ASB4: variants seen among roughly 807,000 people sequenced by gnomAD.
ASB4 encodes the protein ankyrin repeat and SOCS box protein 4.
In ASB4, 35 loss-of-function variants were observed where a neutral mutation model predicts 38.6. The ratio of observed to expected loss-of-function variants is 0.91; its 90% CI spans 0.69 to 1.20. The LOEUF is 1.20. Ranked by LOEUF, ASB4 falls within the 50% of genes most tolerant of loss-of-function variation. ASB4 has a pLI of 0.00. For synonymous variants in ASB4, 195 were observed against 201.3 expected, an observed-to-expected ratio of 0.97 and a Z score of 0.26; for missense variants, 557 against 527.2, an observed-to-expected ratio of 1.06 and a Z score of -0.55.
the ASB4 span, among the ~76,000 whole-genome samples, chr7:95,472,227 C>G: frequency 1.2e-4 from 15 of 129,880 alleles, no homozygotes; most frequent in Admixed American, 1.2e-3. Flanking sequence ...CATTCTTTCC[C>G]CAAAAATGTG....
At chr7:95,524,465 G>T (rs1183041489) in intron 2 of ASB4, among the ~76,000 whole-genome samples, 2 of 150,542 alleles carry the variant, frequency 1.3e-5, no homozygotes, top group African/African-American at 4.9e-5. Flanking sequence ...CTTGACCAAG[G>T]ATGTGATTAG....
At chr7:95,478,666 G>C (rs1165496736) in intron 1 of ASB4, 1 of 152,158 alleles carries the variant, frequency 6.6e-6, no homozygotes. Context: ...GCTGATATGG[G>C]ATCCAAGAAG....
chr7:95,512,118 T>G (rs1223913134), intron 2 of ASB4, among the ~76,000 whole-genome samples: 2 of 152,162 alleles, frequency 1.3e-5, no homozygotes, highest in Non-Finnish European at 2.9e-5. Context: ...GATCCTCCCA[T>G]GCTGTAGCCT....
intron 4 of ASB4, 121 bp from the exon 5 acceptor site, chr7:95,537,450 C>A: frequency 2.5e-6 from 2 of 786,822 alleles, no homozygotes; most frequent in Non-Finnish European, 3.9e-6. Context: ...ATTTTTGCCT[C>A]ACCAATAGAG....
At chr7:95,517,327 C>T (rs1181300846) in intron 2 of ASB4, among the ~76,000 whole-genome samples, 2 of 152,086 alleles carry the variant, frequency 1.3e-5, no homozygotes, top group South Asian at 2.1e-4. Context: ...AGCCACCATG[C>T]CAGGTCTAGT....
rs1790928834 is a variant in ASB4, at chr7:95,538,640, C to G, written c.*881C>G. 6.6e-6 allele frequency: 1 copy of G among 152,118 alleles called. No homozygotes were observed. Among genetic ancestry groups the G allele is most frequent in the African/African-American group, 2.4e-5 (1 of 41,418 alleles). The allele number at this position is 152,118 out of a possible 1,614,324, so 9.4% of individuals were successfully genotyped here. On this transcript the variant is annotated 3_prime_UTR_variant, in exon 5 of 5. Coordinates refer to ENST00000325885, the MANE Select transcript of ASB4 (RefSeq NM_016116.3). ...ATGTAAAGTAGAGGGATCTCCTGCT[C>G]TTGTTAGGGTATTTTTAAGGTTTTT...
chr7:95,547,251 T>A, the ASB4 span, among the ~76,000 whole-genome samples: 21 of 152,284 alleles, frequency 1.4e-4, no homozygotes, highest in Admixed American at 5.2e-4. Context: ...AAACAATACA[T>A]TTATTACCCC....
At chr7:95,501,931 C>T (rs1349046711) in intron 2 of ASB4, among the ~76,000 whole-genome samples, 4 of 151,888 alleles carry the variant, frequency 2.6e-5, no homozygotes, top group Non-Finnish European at 5.9e-5. Flanking sequence ...CATCAAAGGC[C>T]GAATTCACAA....
chr7:95,497,412 T>C (rs1441824676), intron 2 of ASB4, among the ~76,000 whole-genome samples: 1 of 151,938 alleles, frequency 6.6e-6, no homozygotes, highest in Non-Finnish European at 1.5e-5. Context: ...GTGGGTGGGG[T>C]GTGAAGGAAA....
intron 2 of ASB4, among the ~76,000 whole-genome samples, chr7:95,503,956 G>A (rs944124149): frequency 2.6e-5 from 4 of 151,988 alleles, no homozygotes; most frequent in African/African-American, 9.7e-5. Context: ...TTTTCTGTTT[G>A]CCTTTCTACT....
At chr7:95,533,220 G>A (rs1472761132) in intron 3 of ASB4, among the ~76,000 whole-genome samples, 1 of 152,178 alleles carries the variant, frequency 6.6e-6, no homozygotes, top group African/African-American at 2.4e-5. Context: ...TTTGGGGGTA[G>A]AATGTTAGAA....
At chr7:95,493,123 A>T (rs1477278615) in intron 1 of ASB4, among the ~76,000 whole-genome samples, 1 of 152,172 alleles carries the variant, frequency 6.6e-6, no homozygotes, top group Non-Finnish European at 1.5e-5. Flanking sequence ...ATCTCTTCCC[A>T]GTGTCTGGAA....
downstream of ASB4, among the ~76,000 whole-genome samples, chr7:95,541,056 T>C (rs1790963712): frequency 6.6e-6 from 1 of 152,226 alleles, no homozygotes; most frequent in Admixed American, 6.5e-5. Context: ...ACACCACAGC[T>C]AGTATCTGGA....
the ASB4 span, among the ~76,000 whole-genome samples, chr7:95,547,780 A>G: frequency 6.6e-6 from 1 of 152,202 alleles, no homozygotes; most frequent in African/African-American, 2.4e-5. Flanking sequence ...AATGCCTTAC[A>G]AGAAAAAGAC....
At position 95,536,526 on chromosome 7, in the gene ASB4, A is replaced by AT. The variant is rs761020955; in HGVS notation, c.1068_1069insT (p.Ala357CysfsTer5). On this transcript the variant is annotated frameshift_variant, in exon 4 of 5. Coordinates refer to ENST00000325885, the MANE Select transcript of ASB4 (RefSeq NM_016116.3). ...TCAGATGGAACACAAAGTGGAGAAG[A>AT]GCTATCCCCGATGATGACTTGGAGG... 5.5e-5 allele frequency: 89 copies of AT among 1,611,476 alleles called. No individual in the cohort carries two copies. The highest frequency in any genetic ancestry group is 7.2e-5 in the Non-Finnish European group (85 of 1,177,884).
In ASB4 at chr7:95,527,944, C is replaced by T; in HGVS notation, c.619C>T (p.His207Tyr). Residue 207 changes from histidine (H) to tyrosine (Y), a missense_variant, in exon 3 of 5, where the codon CAC (histidine) becomes TAC (tyrosine). By Grantham distance (83) the His-to-Tyr change is moderately conservative. Coordinates refer to ENST00000325885, the MANE Select transcript of ASB4 (RefSeq NM_016116.3). ...HGAIVDSVNA[H>Y]METPLAIAAY... ...GGCCATAGTGGACAGCGTGAATGCC[C>T]ACATGGAGACCCCCCTGGCCATCGC... 1.2e-6 allele frequency: 2 copies of T among 1,614,164 alleles called. No homozygotes were observed. The highest frequency in any genetic ancestry group is 1.3e-5 in the African/African-American group (1 of 75,042).
At position 95,527,975 on chromosome 7, in the gene ASB4, A is replaced by G; in HGVS notation, c.650A>G (p.Tyr217Cys). 6.2e-7 allele frequency: 1 copy of G among 1,614,090 alleles called. No individual in the cohort carries two copies. Among genetic ancestry groups the G allele is most frequent in the Non-Finnish European group, 8.5e-7 (1 of 1,180,006 alleles). The change falls in exon 3 of 5, where the codon TAC becomes TGC. Residue 217 changes from tyrosine to cysteine, a missense_variant. By Grantham distance (194) the Tyr-to-Cys change is radical. Coordinates refer to ENST00000325885, the MANE Select transcript of ASB4 (RefSeq NM_016116.3). ...GAGACCCCCCTGGCCATCGCCGCCT[A>G]CTGGGCCCTCCGCTTTAAGGAGCAG... ...HMETPLAIAA[Y>C]WALRFKEQEY...
intron 2 of ASB4, among the ~76,000 whole-genome samples, chr7:95,515,524 T>C (rs2116625881): frequency 6.6e-6 from 1 of 151,902 alleles, no homozygotes; most frequent in East Asian, 1.9e-4. Flanking sequence ...CAAGTGATTC[T>C]CTTGCCTCAG....
chr7:95,497,909 A>G (rs920505654), intron 2 of ASB4, among the ~76,000 whole-genome samples: 1 of 152,208 alleles, frequency 6.6e-6, no homozygotes, highest in African/African-American at 2.4e-5. Context: ...TACACATAAC[A>G]AAATTGATCT....
Sources: allele counts gnomAD v4.1 joint callset (sites outside exome capture counted in the v4.1 genomes callset), GRCh38; gene constraint gnomAD v4.1.1; transcripts MANE v1.5; gene names NCBI Gene and HGNC (gene_info 2026-07-23, HGNC 2026-07-21).